The following RHBDD1 variants were observed in gnomAD, a reference collection of about 807,000 sequenced individuals.
RHBDD1 encodes the protein rhomboid domain containing 1.
A neutral mutation model predicts 36.3 loss-of-function variants in RHBDD1; 38 were observed. The observed-to-expected ratio is 1.05, with a 90% confidence interval of 0.81 to 1.37. The LOEUF (loss-of-function observed/expected upper bound fraction) is 1.37, where lower values mean the gene tolerates loss of function less well. Among genes scored for constraint, RHBDD1 ranks in the 40% most tolerant of loss-of-function variants. RHBDD1 has a pLI of 0.00. For synonymous variants in RHBDD1, 151 were observed against 136.5 expected (o/e 1.11, Z -0.74); for missense variants, 393 against 377.6 (o/e 1.04, Z -0.34).
chr2:226,882,168 G>A (rs927615381), intron 5 of RHBDD1, among the ~76,000 whole-genome samples: 13 of 152,078 alleles, frequency 8.5e-5, no homozygotes, highest in East Asian at 1.9e-4. Context: ...AGTGGCTCAC[G>A]CCTGTAATCC....
chr2:226,951,810 C>T (rs1321335048), intron 8 of RHBDD1, among the ~76,000 whole-genome samples: 1 of 152,206 alleles, frequency 6.6e-6, no homozygotes, highest in African/African-American at 2.4e-5. Flanking sequence ...TAGGTGATTT[C>T]TGAACAAAAG....
At chr2:226,973,080 T>G (rs917398390) in intron 8 of RHBDD1, among the ~76,000 whole-genome samples, 8 of 152,216 alleles carry the variant, frequency 5.3e-5, no homozygotes, top group African/African-American at 1.9e-4. Context: ...GCTGCCATCC[T>G]TCCTCACAGA....
chr2:226,875,813 T>G (rs1196535878), intron 5 of RHBDD1, among the ~76,000 whole-genome samples: 5 of 152,220 alleles, frequency 3.3e-5, no homozygotes, highest in African/African-American at 1.2e-4. Context: ...AAATGTGTTC[T>G]TTTGACCACT....
At position 226,927,443 on chromosome 2, in the gene RHBDD1, G is replaced by A. The variant is rs567628503; in HGVS notation, c.856+13092G>A. Among the ~76,000 whole-genome samples, 437 of 151,778 alleles carry A rather than the reference G, an allele frequency of 2.9e-3. 1 individual carries two copies. Among genetic ancestry groups the A allele is most frequent in the African/African-American group, 9.8e-3 (407 of 41,404 alleles). On this transcript the variant is annotated intron_variant, in intron 8 of 8. Coordinates refer to ENST00000392062, the MANE Select transcript of RHBDD1 (RefSeq NM_001167608.3). The stretch of plus-strand genomic sequence containing the variant: ...GAATAAAGCTGCTATAAAAATTTAC[G>A]TACCGGAATTTGTGTAAATATAAGT...
chr2:226,989,971 G>A (rs1166525399), intron 8 of RHBDD1, among the ~76,000 whole-genome samples: 3 of 152,182 alleles, frequency 2.0e-5, no homozygotes, highest in African/African-American at 7.2e-5. Context: ...ATTGATTGAA[G>A]GATAGAAATG....
chr2:226,801,115 G>T, the RHBDD1 span, among the ~76,000 whole-genome samples: 3 of 152,206 alleles, frequency 2.0e-5, no homozygotes, highest in African/African-American at 7.2e-5. Context: ...ACTACGCCGG[G>T]ACCCTCCTCG....
At position 226,864,802 on chromosome 2, in the gene RHBDD1, C is replaced by T. The variant is rs1465972432; in HGVS notation, c.109C>T (p.Leu37Phe). The change falls in exon 4 of 9, where the codon CTC becomes TTC. Residue 37 changes from leucine (L) to phenylalanine (F), a missense_variant. By Grantham distance (22) the Leu-to-Phe change is conservative (BLOSUM62 0). Coordinates refer to ENST00000392062, the MANE Select transcript of RHBDD1 (RefSeq NM_001167608.3). The part of the protein sequence containing the change: ...IPPVTLATLA[L>F]NIWFFLNPQK... ...ACCTGTCACCCTAGCAACTTTGGCC[C>T]TCAACATCTGGTTCTTCTTGAACCC... 4 of 1,614,180 alleles carry T rather than the reference C, an allele frequency of 2.5e-6. No individual in the cohort carries two copies. Among genetic ancestry groups the T allele is most frequent in the South Asian group, 2.2e-5 (2 of 91,074 alleles).
intron 4 of RHBDD1, among the ~76,000 whole-genome samples, chr2:226,865,461 C>T (rs960028421): frequency 3.3e-5 from 5 of 152,188 alleles, no homozygotes; most frequent in Non-Finnish European, 7.3e-5. Flanking sequence ...GATGACTGTG[C>T]TTGTGAAGTA....
chr2:226,866,102 G>T (rs1032786252), intron 4 of RHBDD1, among the ~76,000 whole-genome samples: 1 of 13,456 alleles, frequency 7.4e-5, no homozygotes, highest in Non-Finnish European at 1.3e-4. Flanking sequence ...ACGGAGTCTC[G>T]CTCTGGCACC....
At chr2:226,953,583 T>A (rs1257093600) in intron 8 of RHBDD1, among the ~76,000 whole-genome samples, 1 of 152,198 alleles carries the variant, frequency 6.6e-6, no homozygotes, top group East Asian at 1.9e-4. Flanking sequence ...GTTTCTACCT[T>A]ATCACCTAAG....
At chr2:226,835,984 C>G (rs1274459595), upstream of RHBDD1, 1 of 152,666 alleles carries the variant, frequency 6.6e-6, no homozygotes, top group African/African-American at 2.4e-5. Context: ...AGGCCCTCCC[C>G]TCCCGCACCC....
chr2:226,947,709 C>CA (rs779818070), intron 8 of RHBDD1, among the ~76,000 whole-genome samples: 201 of 151,962 alleles, frequency 1.3e-3, no homozygotes, highest in Non-Finnish European at 2.5e-3. Context: ...ACAATGAACT[C>CA]AAACAAATTT....
chr2:226,897,498 A>T (rs1947201142), intron 5 of RHBDD1, among the ~76,000 whole-genome samples: 1 of 152,234 alleles, frequency 6.6e-6, no homozygotes, highest in Non-Finnish European at 1.5e-5. Flanking sequence ...TGGGTAATTT[A>T]TAAAGAGAAG....
chr2:226,851,351 A>G (rs1197994558), intron 3 of RHBDD1, among the ~76,000 whole-genome samples: 2 of 151,990 alleles, frequency 1.3e-5, no homozygotes, highest in African/African-American at 4.8e-5. Context: ...TAAGACTAGA[A>G]TTAGAGTTCC....
At chr2:226,955,119 G>A (rs924575674) in intron 8 of RHBDD1, among the ~76,000 whole-genome samples, 3 of 152,068 alleles carry the variant, frequency 2.0e-5, no homozygotes, top group African/African-American at 4.8e-5. Flanking sequence ...ACTTGGCTGA[G>A]GGGGCTGTGA....
chr2:226,946,070 T>G (rs1950976358), intron 8 of RHBDD1, among the ~76,000 whole-genome samples: 1 of 152,224 alleles, frequency 6.6e-6, no homozygotes, highest in Non-Finnish European at 1.5e-5. Context: ...ATGGATAGAT[T>G]GCAAAAATTT....
chr2:226,806,491 G>A, the RHBDD1 span, among the ~76,000 whole-genome samples: 2 of 152,086 alleles, frequency 1.3e-5, no homozygotes, highest in African/African-American at 4.8e-5. Context: ...AAGACATTAG[G>A]AAATATATGC....
At chr2:226,930,910 G>A (rs910562793) in intron 8 of RHBDD1, among the ~76,000 whole-genome samples, 1 of 151,812 alleles carries the variant, frequency 6.6e-6, no homozygotes, top group African/African-American at 2.4e-5. Flanking sequence ...TAATCATCAG[G>A]GAAATGCAAA....
At chr2:226,918,746 G>A (rs1949094487) in intron 8 of RHBDD1, among the ~76,000 whole-genome samples, 2 of 151,972 alleles carry the variant, frequency 1.3e-5, no homozygotes, top group South Asian at 4.1e-4. Flanking sequence ...CCAAATCTTG[G>A]CTACTATGAA....
Sources: gnomAD v4.1 joint callset for allele counts (sites outside exome capture counted in the v4.1 genomes callset) on GRCh38, gnomAD v4.1.1 for gene constraint, MANE v1.5 for transcripts, NCBI Gene and HGNC (gene_info 2026-07-23, HGNC 2026-07-21) for gene names.